ZDHHC14: variants seen among roughly 807,000 people sequenced by gnomAD.
ZDHHC14 encodes the protein palmitoyltransferase ZDHHC14.
Under a neutral mutation model 47.7 loss-of-function variants are expected in ZDHHC14, and 16 were observed. That is an observed-to-expected ratio of 0.34 (90% CI 0.23 to 0.51). The LOEUF (loss-of-function observed/expected upper bound fraction) is 0.51. Among genes scored for constraint, ZDHHC14 ranks in the 20% least tolerant of loss-of-function variants. ZDHHC14 has a pLI of 0.97. For missense variants in ZDHHC14, 515 were observed against 662.5 expected (o/e 0.78, Z 2.44); for synonymous variants, 293 against 278.9 (o/e 1.05, Z -0.50).
At chr6:157,563,288 G>A (rs1303867094) in intron 2 of ZDHHC14, among the ~76,000 whole-genome samples, 1 of 152,226 alleles carries the variant, frequency 6.6e-6, no homozygotes, top group Non-Finnish European at 1.5e-5. Context: ...GCCCCTGCCC[G>A]AGCTTGGCCT....
At chr6:157,577,849 C>A (rs766372993) in intron 2 of ZDHHC14, among the ~76,000 whole-genome samples, 3 of 152,216 alleles carry the variant, frequency 2.0e-5, no homozygotes, top group Non-Finnish European at 2.9e-5. Flanking sequence ...CAGCAGCCAG[C>A]CTGCATCTGT....
intron 1 of ZDHHC14, among the ~76,000 whole-genome samples, chr6:157,383,423 T>G (rs1463227012): frequency 2.6e-5 from 4 of 152,194 alleles, no homozygotes; most frequent in African/African-American, 9.7e-5. Context: ...CCTTTTGAAT[T>G]TATTTACTTT....
intron 1 of ZDHHC14, among the ~76,000 whole-genome samples, chr6:157,517,435 C>A (rs35801114): frequency 6.6e-6 from 1 of 151,698 alleles, no homozygotes; most frequent in African/African-American, 2.4e-5. Context: ...CTCAGCCTCC[C>A]GAGTAGCTGG....
chr6:157,457,625 A>G (rs575133992), intron 1 of ZDHHC14, among the ~76,000 whole-genome samples: 20 of 152,318 alleles, frequency 1.3e-4, no homozygotes, highest in African/African-American at 4.3e-4. Flanking sequence ...TGGAAATGTG[A>G]TTTTACTGTG....
At chr6:157,645,875 T>C (rs760660581) in intron 6 of ZDHHC14, 36 bp downstream of exon 6, 1 of 1,581,782 alleles carries the variant, frequency 6.3e-7, no homozygotes, top group Non-Finnish European at 8.7e-7. Flanking sequence ...GGGCGTGTTC[T>C]TGGGTTTTGG....
At position 157,382,168 on chromosome 6, in the gene ZDHHC14, C is replaced by G; in HGVS notation, c.147C>G (p.Phe49Leu). 1.2e-6 allele frequency: 2 copies of G among 1,613,762 alleles called. No homozygotes were observed. Among genetic ancestry groups the G allele is most frequent in the South Asian group, 1.1e-5 (1 of 91,058 alleles). ...KWEVFPGRNKFFCNGRIMMAR... is the reference protein window; with the variant it reads ...KWEVFPGRNKLFCNGRIMMAR... ...AGGTGTTCCCGGGAAGAAACAAGTT[C>G]TTCTGTAACGGGAGGATCATGATGG... Residue 49 changes from phenylalanine to leucine, a missense_variant, in exon 1 of 9, where the codon TTC (phenylalanine) becomes TTG (leucine). Phe to Leu is a conservative substitution (Grantham distance 22). Around this residue, in one of 4 missense-constraint regions of ZDHHC14, gnomAD observed 6 missense variants for 19.7 expected, o/e 0.31. Coordinates refer to ENST00000359775, the MANE Select transcript of ZDHHC14 (RefSeq NM_024630.3).
At chr6:157,394,497 G>A (rs1188888310) in intron 1 of ZDHHC14, among the ~76,000 whole-genome samples, 1 of 152,108 alleles carries the variant, frequency 6.6e-6, no homozygotes, top group African/African-American at 2.4e-5. Context: ...TAGCTCCCTG[G>A]ACACCCCATA....
chr6:157,511,502 T>C (rs1349242422), intron 1 of ZDHHC14, among the ~76,000 whole-genome samples: 2 of 149,690 alleles, frequency 1.3e-5, no homozygotes, highest in Non-Finnish European at 3.0e-5. Flanking sequence ...TGCCTCAGCC[T>C]CCCGAGTAGC....
chr6:157,550,529 T>C (rs1782186858), intron 2 of ZDHHC14, among the ~76,000 whole-genome samples: 1 of 135,762 alleles, frequency 7.4e-6, no homozygotes, highest in Non-Finnish European at 1.5e-5. Context: ...ACACAGGCAC[T>C]CCAGAGAGAC....
At chr6:157,598,562 A>G (rs953173049) in intron 3 of ZDHHC14, among the ~76,000 whole-genome samples, 1 of 152,216 alleles carries the variant, frequency 6.6e-6, no homozygotes, top group Non-Finnish European at 1.5e-5. Context: ...ACACAGGTTA[A>G]AGAGTAATTT....
Position 157,425,541 on chromosome 6 carries a change from G to A in ZDHHC14, c.245+43275G>A, listed in dbSNP as rs565008524. Among the ~76,000 whole-genome samples, 4 of 152,248 alleles carry A rather than the reference G, an allele frequency of 2.6e-5. 1 individual carries two copies. Among genetic ancestry groups the A allele is most frequent in the African/African-American group, 9.6e-5 (4 of 41,524 alleles). ...TTTTCAATAGTGAAATGCGACTAGTGTTCCCTTTCTAAATGCTGAATTTTG... is the reference window on the plus strand; with the variant it reads ...TTTTCAATAGTGAAATGCGACTAGTATTCCCTTTCTAAATGCTGAATTTTG... On this transcript the variant is annotated intron_variant, in intron 1 of 8. Transcript: ENST00000359775.
At position 157,381,233 on chromosome 6, in the gene ZDHHC14, C is replaced by G. The variant is rs555154073; in HGVS notation, c.-789C>G. 4 of 150,906 alleles carry G rather than the reference C, an allele frequency of 2.7e-5. No individual in the cohort carries two copies. In the East Asian group the frequency reaches 8.0e-4, roughly 30 times the overall value. The allele number at this position is 150,906 out of a possible 1,614,324, so 9.3% of individuals were successfully genotyped here. ...TCTGTGCTGTGTCCCCGCGGCCCTC[C>G]TCGCGCCGGGGCCGCTTCCTCCGGG... On this transcript the variant is annotated 5_prime_UTR_variant, in exon 1 of 9. Coordinates refer to ENST00000359775, the MANE Select transcript of ZDHHC14 (RefSeq NM_024630.3).
chr6:157,617,227 G>A (rs910345830), intron 3 of ZDHHC14, among the ~76,000 whole-genome samples: 1 of 152,102 alleles, frequency 6.6e-6, no homozygotes, highest in Non-Finnish European at 1.5e-5. Flanking sequence ...TACACAGTAC[G>A]GTGGTACATA....
At chr6:157,507,038 G>A (rs1780344380) in intron 1 of ZDHHC14, among the ~76,000 whole-genome samples, 1 of 151,984 alleles carries the variant, frequency 6.6e-6, no homozygotes, top group African/African-American at 2.4e-5. Context: ...ACTGTTTTTG[G>A]TATTCTAAGT....
intron 1 of ZDHHC14, among the ~76,000 whole-genome samples, chr6:157,444,441 G>A (rs914712770): frequency 6.6e-6 from 1 of 152,300 alleles, no homozygotes; most frequent in South Asian, 2.1e-4. Flanking sequence ...AATTTGGGAA[G>A]GTGAGGCGGG....
In ZDHHC14 at chr6:157,593,101, C is replaced by A; in HGVS notation, c.520C>A (p.Arg174=). Residue 174 remains arginine (R), a synonymous_variant, in exon 3 of 9, where the codon CGG becomes AGG. Transcript: ENST00000359775. The part of the protein sequence containing the change: ...LKYCFTCKIF[R]PPRASHCSLC... ...ATACTGTTTCACCTGCAAGATTTTC[C>A]GGCCCCCTCGCGCCTCCCATTGCAG... is the stretch of plus-strand genomic sequence containing the variant. 6.2e-7 allele frequency: 1 copy of A among 1,614,102 alleles called. No homozygotes were observed. Among genetic ancestry groups the A allele is most frequent in the Non-Finnish European group, 8.5e-7 (1 of 1,179,984 alleles).
chr6:157,499,314 G>C (rs1239289827), intron 1 of ZDHHC14, among the ~76,000 whole-genome samples: 1 of 152,142 alleles, frequency 6.6e-6, no homozygotes, highest in African/African-American at 2.4e-5. Context: ...CAGCAGATCA[G>C]GTATCTTGTG....
In ZDHHC14 at chr6:157,613,561, C is replaced by A. The variant is rs1403282003; in HGVS notation, c.566-14788C>A. On this transcript the variant is annotated intron_variant, in intron 3 of 8. Coordinates refer to ENST00000359775, the MANE Select transcript of ZDHHC14 (RefSeq NM_024630.3). ...GATTTTAGGTTGTATACCTCCGGGA[C>A]CCTGGGGATGGCACATTTAGCATGC... 2.6e-5 allele frequency among the ~76,000 whole-genome samples: 4 copies of A among 152,144 alleles called. No homozygotes were observed. The East Asian group carries it at 7.7e-4, about 29-fold the overall frequency.
intron 5 of ZDHHC14, 151 bp downstream of exon 5, chr6:157,633,033 T>C (rs931101370): frequency 2.4e-6 from 2 of 830,776 alleles, no homozygotes; most frequent in Non-Finnish European, 4.1e-6. Flanking sequence ...GCACGAGTAG[T>C]AGCTTCTGAC....
Sources: gnomAD v4.1 joint callset for allele counts (sites outside exome capture counted in the v4.1 genomes callset) on GRCh38, gnomAD v4.1.1 for gene constraint, gnomAD v4.1.1 regional missense constraint, MANE v1.5 for transcripts, NCBI Gene and HGNC (gene_info 2026-07-23, HGNC 2026-07-21) for gene names.